Variants in RARB observed in about 807,000 individuals in gnomAD.
RARB encodes the protein HBV-activated protein.
In RARB, 17 loss-of-function variants were observed where a neutral mutation model predicts 51.9. The observed-to-expected ratio is 0.33, with a 90% CI of 0.22 to 0.49. The LOEUF (loss-of-function observed/expected upper bound fraction) is 0.49, where lower values mean the gene tolerates loss of function less well. RARB is among the 20% of genes least tolerant of loss of function. RARB has a pLI of 0.99. For missense variants in RARB, 369 were observed against 550.8 expected (o/e 0.67, Z 3.30); for synonymous variants, 215 against 195.4 (o/e 1.10, Z -0.84).
intron 3 of RARB, among the ~76,000 whole-genome samples, chr3:25,530,020 C>T (rs116546624): frequency 0.015 from 2,344 of 152,278 alleles, 71 homozygotes; most frequent in African/African-American, 0.053. Context: ...GAGCAACCCA[C>T]GGACCCGTGG....
intron 2 of RARB, among the ~76,000 whole-genome samples, chr3:25,030,321 C>A (rs774445049): frequency 3.6e-4 from 55 of 152,136 alleles, no homozygotes; most frequent in Non-Finnish European, 4.0e-4. Flanking sequence ...ACAGTAATTT[C>A]TTCTGCCTTT....
intron 5 of RARB, among the ~76,000 whole-genome samples, chr3:25,234,875 G>A (rs1001866972): frequency 2.6e-4 from 40 of 151,964 alleles, no homozygotes; most frequent in African/African-American, 8.9e-4. Context: ...TTTTTCTCTT[G>A]GGGTTTTACC....
intron 5 of RARB, among the ~76,000 whole-genome samples, chr3:25,196,281 T>C (rs1701233547): frequency 6.6e-6 from 1 of 151,896 alleles, no homozygotes; most frequent in African/African-American, 2.4e-5. Flanking sequence ...CCAAGTGTTC[T>C]CATGGTTCAG....
At chr3:25,337,856 G>A (rs1359422135) in intron 5 of RARB, among the ~76,000 whole-genome samples, 3 of 152,086 alleles carry the variant, frequency 2.0e-5, no homozygotes, top group Admixed American at 2.0e-4. Flanking sequence ...AGCCTTAGAA[G>A]AGTAGGTGAT....
intron 5 of RARB, among the ~76,000 whole-genome samples, chr3:25,351,657 T>G (rs1403291825): frequency 6.6e-6 from 1 of 152,176 alleles, no homozygotes; most frequent in African/African-American, 2.4e-5. Context: ...GTTAAAAAAA[T>G]TGCTTTGAAA....
intron 4 of RARB, among the ~76,000 whole-genome samples, chr3:25,575,770 A>G (rs961992001): frequency 2.0e-5 from 3 of 152,020 alleles, no homozygotes; most frequent in Non-Finnish European, 4.4e-5. Context: ...TAAAGACACT[A>G]TTTTCAAATA....
At chr3:25,259,427 C>G (rs974760545) in intron 5 of RARB, among the ~76,000 whole-genome samples, 2 of 152,070 alleles carry the variant, frequency 1.3e-5, no homozygotes, top group African/African-American at 4.8e-5. Context: ...ACTTGTTGAC[C>G]TGGTGAATAA....
At chr3:25,312,565 T>A (rs1704316197) in intron 5 of RARB, among the ~76,000 whole-genome samples, 1 of 152,182 alleles carries the variant, frequency 6.6e-6, no homozygotes, top group Non-Finnish European at 1.5e-5. Flanking sequence ...GTAATGTAAT[T>A]TAGTGAGTGA....
At chr3:24,981,989 C>T (rs781735528) in intron 2 of RARB, among the ~76,000 whole-genome samples, 1 of 152,170 alleles carries the variant, frequency 6.6e-6, no homozygotes, top group Non-Finnish European at 1.5e-5. Flanking sequence ...GACCTTAAGA[C>T]AAAAGGGAAA....
At chr3:25,201,808 T>C (rs1168566912) in intron 5 of RARB, among the ~76,000 whole-genome samples, 2 of 152,310 alleles carry the variant, frequency 1.3e-5, no homozygotes, top group South Asian at 2.1e-4. Flanking sequence ...ATAAGCTTTT[T>C]GATGTGCTGC....
At chr3:25,036,436 A>C (rs1697996862) in intron 2 of RARB, among the ~76,000 whole-genome samples, 1 of 152,166 alleles carries the variant, frequency 6.6e-6, no homozygotes, top group Non-Finnish European at 1.5e-5. Flanking sequence ...TATTAATTAC[A>C]TGCCGGAAAA....
intron 5 of RARB, among the ~76,000 whole-genome samples, chr3:25,366,528 A>C (rs1237195594): frequency 1.3e-5 from 2 of 151,962 alleles, no homozygotes; most frequent in African/African-American, 2.4e-5. Context: ...AGATTCCTAG[A>C]AAACTGATGA....
chr3:25,268,554 A>G (rs1703179722), intron 5 of RARB, among the ~76,000 whole-genome samples: 1 of 152,218 alleles, frequency 6.6e-6, no homozygotes, highest in Non-Finnish European at 1.5e-5. Context: ...AATTCAAGGA[A>G]TGGAAGAATT....
At chr3:24,903,440 G>A (rs1004235611) in intron 2 of RARB, among the ~76,000 whole-genome samples, 1 of 152,080 alleles carries the variant, frequency 6.6e-6, no homozygotes, top group South Asian at 2.1e-4. Context: ...CATTTTAAAA[G>A]TTCTTTCTTT....
chr3:24,867,852 A>G (rs1453568475), intron 2 of RARB, among the ~76,000 whole-genome samples: 1 of 152,184 alleles, frequency 6.6e-6, no homozygotes, highest in Non-Finnish European at 1.5e-5. Context: ...GAAATGGTAG[A>G]CACTTGGGAA....
At chr3:24,947,685 T>A (rs770627197) in intron 2 of RARB, among the ~76,000 whole-genome samples, 15 of 152,198 alleles carry the variant, frequency 9.9e-5, no homozygotes, top group Non-Finnish European at 2.1e-4. Flanking sequence ...CATGATTGGT[T>A]TCCTTACCCT....
intron 2 of RARB, among the ~76,000 whole-genome samples, chr3:25,017,197 C>T (rs1266397720): frequency 6.6e-6 from 1 of 151,298 alleles, no homozygotes; most frequent in Non-Finnish European, 1.5e-5. Flanking sequence ...TCGTTGTTTA[C>T]AAATTAACTA....
chr3:25,133,635 C>G (rs1164450783), intron 4 of RARB, among the ~76,000 whole-genome samples: 1 of 151,886 alleles, frequency 6.6e-6, no homozygotes, highest in Non-Finnish European at 1.5e-5. Context: ...TATACCTATT[C>G]TTTAAAATGT....
intron 2 of RARB, among the ~76,000 whole-genome samples, chr3:25,019,101 A>T (rs1472432926): frequency 2.0e-5 from 3 of 152,156 alleles, no homozygotes; most frequent in African/African-American, 7.2e-5. Flanking sequence ...CTCTTGGGAA[A>T]TCACCTTTTC....
Sources: gnomAD v4.1 joint callset for allele counts (sites outside exome capture counted in the v4.1 genomes callset) on GRCh38, gnomAD v4.1.1 for gene constraint, MANE v1.5 for transcripts, NCBI Gene and HGNC (gene_info 2026-07-23, HGNC 2026-07-21) for gene names.